The following SLC35F4 variants were observed in gnomAD, a reference collection of about 807,000 sequenced individuals.
SLC35F4 encodes chromosome 14 open reading frame 36.
In SLC35F4, 24 loss-of-function variants were observed where a neutral mutation model predicts 44.2. The ratio of observed to expected loss-of-function variants is 0.54; its 90% confidence interval spans 0.39 to 0.76. SLC35F4 has a LOEUF of 0.76. SLC35F4 is among the 30% of genes least tolerant of loss of function. The pLI, the probability that SLC35F4 is intolerant of heterozygous loss-of-function variation, is 0.00. For synonymous variants in SLC35F4, 238 were observed against 223.6 expected, an observed-to-expected ratio of 1.06 and a Z score of -0.57; for missense variants, 562 against 586.1, an observed-to-expected ratio of 0.96 and a Z score of 0.42.
chr14:57,966,143 G>T (rs1275711433), intron 1 of SLC35F4, among the ~76,000 whole-genome samples: 2 of 152,210 alleles, frequency 1.3e-5, no homozygotes, highest in Admixed American at 1.3e-4. Flanking sequence ...AAAGCTTGAC[G>T]ACCTCTAATT....
rs199576201 is a variant in SLC35F4 at position 57,566,490 on chromosome 14, C to T, written c.1201G>A (p.Val401Ile). 1.3e-4 allele frequency: 209 copies of T among 1,595,510 alleles called. No homozygotes were observed. The highest frequency in any genetic ancestry group is 1.7e-4 in the Non-Finnish European group (199 of 1,171,054). ...GTGCCTGTACCTGCATTTCCAGGAA[C>T]GCTGAGCACTGTCCCAATGGAGATT... ...ILISIGTVLS[V>I]PGNAAVDLLK... is the part of the protein sequence containing the mutation. Residue 401 changes from valine to isoleucine, a missense_variant, in exon 7 of 8, where the codon GTT (valine) becomes ATT (isoleucine). Physicochemically the swap from Val to Ile is conservative, Grantham distance 29. Transcript: ENST00000556826.
rs549787475 is a variant in SLC35F4 at position 57,671,941 on chromosome 14, A to G, written c.104-77817T>C. ...TTTTTCTTGGTTTCTTCCCCTTTCCAGTCTGGCTTCCTGTGCTCCTAAAAG... is the reference window on the plus strand; with the variant it reads ...TTTTTCTTGGTTTCTTCCCCTTTCCGGTCTGGCTTCCTGTGCTCCTAAAAG... On this transcript the variant is annotated intron_variant, in intron 1 of 7. Coordinates refer to ENST00000556826, the MANE Select transcript of SLC35F4 (RefSeq NM_001306087.2). Among the ~76,000 whole-genome samples the G allele has an allele frequency of 3.9e-5, 6 of 152,138 alleles. No homozygotes were observed. In the South Asian group the frequency reaches 1.2e-3, roughly 32 times the overall value.
intron 1 of SLC35F4, among the ~76,000 whole-genome samples, chr14:57,640,019 T>G (rs1317862357): frequency 6.6e-6 from 1 of 152,012 alleles, no homozygotes; most frequent in Non-Finnish European, 1.5e-5. Flanking sequence ...TATTAAAAAT[T>G]TCTCCTCTCC....
chr14:57,938,627 C>T (rs984374498), intron 1 of SLC35F4, among the ~76,000 whole-genome samples: 1 of 152,136 alleles, frequency 6.6e-6, no homozygotes, highest in Non-Finnish European at 1.5e-5. Flanking sequence ...GTCTCAGTCC[C>T]CTGCTTCACA....
intron 1 of SLC35F4, chr14:57,602,490 T>C (rs1270770846): frequency 6.6e-6 from 1 of 152,186 alleles, no homozygotes; most frequent in Non-Finnish European, 1.5e-5. Flanking sequence ...CTTTTGAAAT[T>C]TGTATTGCAG....
chr14:57,865,626 G>T, intron 1 of SLC35F4, 97 bp downstream of exon 1: 1 of 996,334 alleles, frequency 1.0e-6, no homozygotes, highest in Non-Finnish European at 1.4e-6. Flanking sequence ...GGCTGCAGGT[G>T]TCCGTACCGC....
intron 1 of SLC35F4, among the ~76,000 whole-genome samples, chr14:57,950,148 C>T (rs1287846264): frequency 6.6e-6 from 1 of 152,030 alleles, no homozygotes; most frequent in Non-Finnish European, 1.5e-5. Context: ...TTCTCGTCTT[C>T]CTCAGGAACA....
At chr14:57,659,778 CAGTT>C (rs1479699530) in intron 1 of SLC35F4, among the ~76,000 whole-genome samples, 2 of 152,148 alleles carry the variant, frequency 1.3e-5, no homozygotes, top group African/African-American at 4.8e-5. Flanking sequence ...GGACAAATCA[CAGTT>C]AGTGTCTTAG....
chr14:57,883,094 C>T (rs974161431), intron 1 of SLC35F4, among the ~76,000 whole-genome samples: 2 of 152,004 alleles, frequency 1.3e-5, no homozygotes, highest in Non-Finnish European at 2.9e-5. Context: ...GAAACAGCAG[C>T]AGCGAGCCCA....
chr14:57,780,285 C>A (rs905118398), intron 1 of SLC35F4, among the ~76,000 whole-genome samples: 1 of 152,090 alleles, frequency 6.6e-6, no homozygotes, highest in Non-Finnish European at 1.5e-5. Context: ...TCCTATACAC[C>A]AACAACAGCC....
At chr14:57,861,056 A>G (rs1000194788) in intron 1 of SLC35F4, among the ~76,000 whole-genome samples, 1 of 152,190 alleles carries the variant, frequency 6.6e-6, no homozygotes, top group Non-Finnish European at 1.5e-5. Flanking sequence ...CTTACTTTAA[A>G]TTTGTGACCA....
intron 1 of SLC35F4, among the ~76,000 whole-genome samples, chr14:57,928,334 C>T (rs1889623914): frequency 6.6e-6 from 1 of 152,216 alleles, no homozygotes; most frequent in African/African-American, 2.4e-5. Flanking sequence ...CCTCTTTCTC[C>T]CTACTGCAGT....
At chr14:57,678,549 G>T (rs1470098422) in intron 1 of SLC35F4, among the ~76,000 whole-genome samples, 1 of 151,978 alleles carries the variant, frequency 6.6e-6, no homozygotes, top group Non-Finnish European at 1.5e-5. Context: ...TGGGCTAAAT[G>T]CCCCAATTAA....
Position 57,794,713 on chromosome 14 carries a change from C to T in SLC35F4, c.103+71010G>A, listed in dbSNP as rs78515007. ...CCAATGTCATTCATCATTCTGGCCACTTGACCTGGGACAAAACTGCTTCTT... is the reference window on the plus strand; with the variant it reads ...CCAATGTCATTCATCATTCTGGCCATTTGACCTGGGACAAAACTGCTTCTT... On this transcript the variant is annotated intron_variant, in intron 1 of 7. Coordinates refer to ENST00000556826, the MANE Select transcript of SLC35F4 (RefSeq NM_001306087.2). Among the ~76,000 whole-genome samples the T allele has an allele frequency of 9.0e-3, 1,367 of 152,056 alleles. 5 individuals are homozygous for T. Among genetic ancestry groups the T allele is most frequent in the Non-Finnish European group, 0.012 (840 of 67,938 alleles).
At chr14:57,659,549 CT>C (rs1222762547) in intron 1 of SLC35F4, among the ~76,000 whole-genome samples, 2 of 152,112 alleles carry the variant, frequency 1.3e-5, no homozygotes, top group African/African-American at 2.4e-5. Flanking sequence ...AGCATTCCCA[CT>C]TTATAGATGA....
At chr14:57,600,322 C>A (rs1471664337) in intron 1 of SLC35F4, among the ~76,000 whole-genome samples, 1 of 152,098 alleles carries the variant, frequency 6.6e-6, no homozygotes, top group Non-Finnish European at 1.5e-5. Flanking sequence ...AGAAATGTAA[C>A]CCTGGATTTT....
At chr14:57,659,685 C>T (rs2074075843) in intron 1 of SLC35F4, among the ~76,000 whole-genome samples, 1 of 152,150 alleles carries the variant, frequency 6.6e-6, no homozygotes, top group Non-Finnish European at 1.5e-5. Context: ...TACCTTAATT[C>T]TTCCTCTGTA....
intron 1 of SLC35F4, among the ~76,000 whole-genome samples, chr14:57,655,297 G>T (rs891777888): frequency 6.6e-6 from 1 of 151,330 alleles, no homozygotes; most frequent in African/African-American, 2.4e-5. Flanking sequence ...GCTCTGTTTG[G>T]GGAGGTGGGA....
chr14:57,568,660 C>A (rs2068326106), intron 6 of SLC35F4, among the ~76,000 whole-genome samples: 1 of 152,198 alleles, frequency 6.6e-6, no homozygotes, highest in East Asian at 1.9e-4. Context: ...AAAAGATGAC[C>A]CAATCAATAC....
Sources: allele counts gnomAD v4.1 joint callset (sites outside exome capture counted in the v4.1 genomes callset), GRCh38; gene constraint gnomAD v4.1.1; transcripts MANE v1.5; gene names NCBI Gene and HGNC (gene_info 2026-07-23, HGNC 2026-07-21).